TLK2: variants seen among roughly 807,000 people sequenced by gnomAD.
TLK2 encodes tousled like kinase 2, also known as serine/threonine-protein kinase tousled-like 2.
A neutral mutation model predicts 117.3 loss-of-function variants in TLK2; 6 were observed. The ratio of observed to expected loss-of-function variants is 0.05; its 90% CI spans 0.03 to 0.10. TLK2 has a LOEUF of 0.10. Among genes scored for constraint, TLK2 ranks in the 10% least tolerant of loss-of-function variants. TLK2 has a pLI of 1.00. For missense variants in TLK2, 299 were observed against 901.2 expected (o/e 0.33, Z 8.56); for synonymous variants, 257 against 316.7 (o/e 0.81, Z 2.00).
chr17:62,540,099 C>CTTTTTTTTTT (rs571889873), intron 7 of TLK2, among the ~76,000 whole-genome samples: 2 of 125,108 alleles, frequency 1.6e-5, no homozygotes, highest in African/African-American at 2.9e-5. Context: ...TCTTTCTTTT[C>CTTTTTTTTTT]TTTTTTTTTT....
At chr17:62,593,028 C>G in intron 16 of TLK2, among the ~76,000 whole-genome samples, 1 of 152,190 alleles carries the variant, frequency 6.6e-6, no homozygotes, top group East Asian at 1.9e-4. Context: ...TGGGGAGCAG[C>G]TGTAAACACA....
intron 15 of TLK2, among the ~76,000 whole-genome samples, chr17:62,583,113 A>G (rs187032947): frequency 5.3e-4 from 81 of 152,082 alleles, no homozygotes; most frequent in Non-Finnish European, 1.1e-3. Flanking sequence ...TTGTTTTGAG[A>G]CAGAGTCTTG....
intron 12 of TLK2, among the ~76,000 whole-genome samples, chr17:62,573,627 G>T (rs2080498041): frequency 6.6e-6 from 1 of 152,142 alleles, no homozygotes; most frequent in Non-Finnish European, 1.5e-5. Flanking sequence ...GGCCACTCCT[G>T]GTTAACAAAT....
At chr17:62,530,419 ATC>A (rs2145724486) in intron 6 of TLK2, among the ~76,000 whole-genome samples, 1 of 152,332 alleles carries the variant, frequency 6.6e-6, no homozygotes, top group African/African-American at 2.4e-5. Flanking sequence ...GCGAGCCATG[ATC>A]ACACCACTGC....
intron 16 of TLK2, among the ~76,000 whole-genome samples, chr17:62,587,411 G>T (rs2081705246): frequency 6.6e-6 from 1 of 151,912 alleles, no homozygotes; most frequent in African/African-American, 2.4e-5. Flanking sequence ...GGTTTTTTTT[G>T]GTGTTTTGTT....
chr17:62,571,225 A>G (rs1299619222), intron 11 of TLK2, among the ~76,000 whole-genome samples: 2 of 152,222 alleles, frequency 1.3e-5, no homozygotes, highest in South Asian at 4.1e-4. Flanking sequence ...ACCAAAATCC[A>G]TGGATGCTCA....
chr17:62,478,574 C>G (rs1475940325), upstream of TLK2, among the ~76,000 whole-genome samples: 6 of 150,490 alleles, frequency 4.0e-5, no homozygotes, highest in Non-Finnish European at 5.9e-5. Flanking sequence ...CGCCCGCCCT[C>G]AGCCGTCCGG....
In TLK2 at chr17:62,521,594, A is replaced by G. The variant is rs561439275; in HGVS notation, c.154-610A>G. The stretch of plus-strand genomic sequence containing the variant: ...ATATTTTTAGAGGCGGGGCCTTGCT[A>G]TGTTGCCCAGGCTGGTCTGGAACCC... On this transcript the variant is annotated intron_variant, in intron 3 of 21. Coordinates refer to ENST00000346027, the MANE Select transcript of TLK2 (RefSeq NM_006852.6). Among the ~76,000 whole-genome samples the G allele has an allele frequency of 3.3e-5, 5 of 152,044 alleles. No individual in the cohort carries two copies. The East Asian group carries it at 5.8e-4, about 18-fold the overall frequency.
intron 7 of TLK2, among the ~76,000 whole-genome samples, chr17:62,546,014 T>G (rs562769439): frequency 6.6e-6 from 1 of 152,162 alleles, no homozygotes; most frequent in African/African-American, 2.4e-5. Context: ...TCTGAGTAGC[T>G]AGGATTACAG....
intron 6 of TLK2, among the ~76,000 whole-genome samples, chr17:62,533,378 GTGTGTGTGTGTGTC>G (rs1362437275): frequency 2.1e-4 from 31 of 144,944 alleles, no homozygotes; most frequent in African/African-American, 5.8e-4. Flanking sequence ...GTGTGTGTGT[GTGTGTGTGTGTGTC>G]TGTGTGTGTG....
chr17:62,511,647 G>A (rs2075153557), intron 2 of TLK2, among the ~76,000 whole-genome samples: 1 of 152,212 alleles, frequency 6.6e-6, no homozygotes, highest in Non-Finnish European at 1.5e-5. Flanking sequence ...TAGAATTACA[G>A]GTGTGAGCCA....
chr17:62,605,893 G>A (rs779097051), intron 19 of TLK2, among the ~76,000 whole-genome samples: 3 of 150,258 alleles, frequency 2.0e-5, no homozygotes, highest in Non-Finnish European at 4.4e-5. Flanking sequence ...TTTAATCCCA[G>A]CTACTTGGGA....
At chr17:62,472,418 C>T (rs2070959844) in intron 1 of TLK2, among the ~76,000 whole-genome samples, 2 of 152,038 alleles carry the variant, frequency 1.3e-5, no homozygotes, top group South Asian at 2.1e-4. Flanking sequence ...ACATGCCTGG[C>T]TCTACTTGCA....
chr17:62,595,760 C>G (rs1266361147), intron 16 of TLK2, among the ~76,000 whole-genome samples: 1 of 152,078 alleles, frequency 6.6e-6, no homozygotes, highest in Non-Finnish European at 1.5e-5. Context: ...GCTAATAGCA[C>G]TTAAATTGTT....
intron 7 of TLK2, among the ~76,000 whole-genome samples, chr17:62,547,597 G>A (rs1244326277): frequency 3.3e-5 from 5 of 152,052 alleles, no homozygotes; most frequent in Admixed American, 1.3e-4. Context: ...AACTGCCAAC[G>A]TCCTCAGTTA....
Position 62,574,303 on chromosome 17 carries a change from G to A in TLK2, c.1121+936G>A, listed in dbSNP as rs916282631. ...TGTTTTGGGAAGTCTCTTCCTTGAT[G>A]TTCGTTTAGTAAGTTTATGTTAAAT... On this transcript the variant is annotated intron_variant, in intron 12 of 21. Coordinates refer to ENST00000346027, the MANE Select transcript of TLK2 (RefSeq NM_006852.6). 2.2e-5 allele frequency: 34 copies of A among 1,534,398 alleles called. No homozygotes were observed. The African/African-American group carries it at 4.1e-4, about 19-fold the overall frequency.
chr17:62,490,105 C>T (rs937896618), intron 2 of TLK2, among the ~76,000 whole-genome samples: 4 of 152,248 alleles, frequency 2.6e-5, no homozygotes, highest in African/African-American at 7.2e-5. Flanking sequence ...GTTGGGATTA[C>T]AGGCATGGGC....
chr17:62,473,544 G>C (rs913812616), intron 1 of TLK2, among the ~76,000 whole-genome samples: 2 of 152,164 alleles, frequency 1.3e-5, no homozygotes, highest in Non-Finnish European at 2.9e-5. Context: ...GCCTCACCTG[G>C]AAAGTTGTTA....
At chr17:62,525,201 C>T (rs1311215232) in intron 6 of TLK2, among the ~76,000 whole-genome samples, 2 of 152,120 alleles carry the variant, frequency 1.3e-5, no homozygotes, top group East Asian at 1.9e-4. Context: ...TATTTTAGAT[C>T]ACTGATTTTT....
Sources: gnomAD v4.1 joint callset for allele counts (sites outside exome capture counted in the v4.1 genomes callset) on GRCh38, gnomAD v4.1.1 for gene constraint, MANE v1.5 for transcripts, NCBI Gene and HGNC (gene_info 2026-07-23, HGNC 2026-07-21) for gene names.